The following MYO1A variants were observed in gnomAD, a reference collection of about 807,000 sequenced individuals.
The protein encoded by MYO1A is myosin IA.
MYO1A carries 127 observed loss-of-function variants against 138.5 expected under a neutral mutation model. The observed-to-expected ratio is 0.92, with a 90% CI of 0.79 to 1.06. The LOEUF (loss-of-function observed/expected upper bound fraction) is 1.06, where lower values mean the gene tolerates loss of function less well. MYO1A is among the 50% of genes least tolerant of loss of function. The pLI is 0.00. For missense variants in MYO1A, 1,211 were observed against 1,288.8 expected (o/e 0.94, Z 0.92); for synonymous variants, 477 against 497.5 (o/e 0.96, Z 0.55).
chr12:57,048,046 C>T lies in MYO1A; in HGVS notation c.173G>A (p.Gly58Glu), dbSNP rs1297721055. The change falls in exon 3 of 28, where the codon GGG (glycine) becomes GAG (glutamate). Residue 58 changes from glycine to glutamate, a missense_variant. Gly to Glu is a moderately conservative substitution (Grantham distance 98). Coordinates refer to ENST00000300119, the MANE Select transcript of MYO1A (RefSeq NM_005379.4). ...VNPYQQLPIY[G>E]PEFIAKYQDY... ...TTGATATTTGGCAATGAACTCTGGC[C>T]CATAGATGGGAAGCTGTTGATAGGG... 6.2e-7 allele frequency: 1 copy of T among 1,614,152 alleles called. No individual in the cohort carries two copies. The highest frequency in any genetic ancestry group is 1.7e-5 in the Admixed American group (1 of 60,026).
chr12:57,029,630 T>C (rs1288942251), intron 25 of MYO1A, 43 bp from the exon 26 acceptor site: 1 of 1,613,980 alleles, frequency 6.2e-7, no homozygotes, highest in African/African-American at 1.3e-5. Flanking sequence ...CAGGATTAAT[T>C]GCCCCCACTC....
In MYO1A at chr12:57,029,851, A is replaced by G; in HGVS notation, c.2613T>C (p.Gly871=). Residue 871 remains glycine (G), a synonymous_variant, in exon 25 of 28, where the codon GGT becomes GGC. Transcript: ENST00000300119. The part of the protein sequence containing the change: ...YPQSVPIPFC[G]DYIGLQGNPK... ...GGTTCCCTTGCAGCCCAATGTAGTC[A>G]CCACAGAATGGAATGGGGACACTGA... 1 of 1,614,094 alleles carries G rather than the reference A, an allele frequency of 6.2e-7. No homozygotes were observed. The highest frequency in any genetic ancestry group is 8.5e-7 in the Non-Finnish European group (1 of 1,180,012).
chr12:57,040,900 T>A (rs2136449757), intron 14 of MYO1A, among the ~76,000 whole-genome samples: 1 of 152,202 alleles, frequency 6.6e-6, no homozygotes, highest in East Asian at 1.9e-4. Context: ...ATGTCCTTTT[T>A]ATATTTGGCT....
intron 22 of MYO1A, among the ~76,000 whole-genome samples, chr12:57,032,575 C>T (rs544975105): frequency 1.3e-3 from 198 of 152,228 alleles, no homozygotes; most frequent in Non-Finnish European, 2.6e-3. Flanking sequence ...CCCAGCTACT[C>T]TAGAGGTTGA....
rs771800595 is a variant in MYO1A, at chr12:57,037,600, G to A, written c.2003C>T (p.Ser668Leu). Residue 668 changes from serine to leucine, a missense_variant, in exon 19 of 28, where the codon TCG becomes TTG. Coordinates refer to ENST00000300119, the MANE Select transcript of MYO1A (RefSeq NM_005379.4). ...TGTCTTGCCAAAGGCCAGCTCCCCC[G>A]AGGACATGCTCAGCTCCCCCAGGAC... is the stretch of plus-strand genomic sequence containing the variant. ...EKVLGELSMSSGELAFGKTKI... is the reference protein window; with the variant it reads ...EKVLGELSMSLGELAFGKTKI... 2.5e-5 allele frequency: 40 copies of A among 1,614,064 alleles called. No individual in the cohort carries two copies. The highest frequency in any genetic ancestry group is 1.2e-4 in the South Asian group (11 of 91,076).
At chr12:57,044,295 A>G in intron 8 of MYO1A, 86 bp from the exon 9 acceptor site, 1 of 1,032,592 alleles carries the variant, frequency 9.7e-7, no homozygotes, top group South Asian at 1.3e-5. Flanking sequence ...CCTTGCCCTA[A>G]TGGATTCATT....
In MYO1A at chr12:57,035,736, G is replaced by A. The variant is rs2030508414; in HGVS notation, c.2349+571C>T. On this transcript the variant is annotated intron_variant, in intron 22 of 27. Coordinates refer to ENST00000300119, the MANE Select transcript of MYO1A (RefSeq NM_005379.4). The stretch of plus-strand genomic sequence containing the variant: ...CTCTGTCCCTGTTTTTCTCCCCCTG[G>A]GAGCTGTCTGTAAGTTTGAATATGT... 2.0e-5 allele frequency among the ~76,000 whole-genome samples: 3 copies of A among 152,150 alleles called. No individual in the cohort carries two copies. The South Asian group carries it at 6.2e-4, about 32-fold the overall frequency.
At chr12:57,031,889 G>A (rs1024251545) in intron 22 of MYO1A, among the ~76,000 whole-genome samples, 43 of 152,278 alleles carry the variant, frequency 2.8e-4, no homozygotes, top group Admixed American at 1.8e-3. Context: ...CCTTCTCTCT[G>A]GCCTTTCCCA....
At chr12:57,051,030 G>C (rs1236122261), upstream of MYO1A, 1 of 152,222 alleles carries the variant, frequency 6.6e-6, no homozygotes, top group African/African-American at 2.4e-5. Context: ...TGATAGATAA[G>C]AAGTACCCCT....
Position 57,048,106 on chromosome 12 carries a change from T to C in MYO1A, c.115-2A>G, listed in dbSNP as rs2031196705. 1.9e-6 allele frequency: 3 copies of C among 1,613,270 alleles called. No homozygotes were observed. The highest frequency in any genetic ancestry group is 1.6e-4 in the Middle Eastern group (1 of 6,080). On this transcript the variant is annotated splice_acceptor_variant, in intron 2 of 27. Coordinates refer to ENST00000300119, the MANE Select transcript of MYO1A (RefSeq NM_005379.4). LOFTEE classifies it high-confidence loss of function. The stretch of plus-strand genomic sequence containing the variant: ...GATCACCACATTCCCAATGTAGGTC[T>C]GGAGCCAGGAAGAAGGTGAAGGGAA...
Position 57,029,593 on chromosome 12 carries a change from G to A in MYO1A, c.2725-6C>T. 6.2e-7 allele frequency: 1 copy of A among 1,614,200 alleles called. No individual in the cohort carries two copies. Among genetic ancestry groups the A allele is most frequent in the Non-Finnish European group, 8.5e-7 (1 of 1,180,032 alleles). On this transcript the variant is annotated splice_polypyrimidine_tract_variant and splice_region_variant and intron_variant, in intron 25 of 27. Coordinates refer to ENST00000300119, the MANE Select transcript of MYO1A (RefSeq NM_005379.4). ...AGGAGAATCCGAGAAGAAGTCTAGG[G>A]ACGGAACAGGCAAGGGTGAGGAAAG...
intron 22 of MYO1A, among the ~76,000 whole-genome samples, chr12:57,033,325 C>G (rs2030374336): frequency 6.6e-6 from 1 of 152,166 alleles, no homozygotes. Flanking sequence ...TAGTCTGCCC[C>G]AATCTAGAAC....
rs1311771612 is a variant in MYO1A, at chr12:57,037,596, C to G, written c.2007G>C (p.Gly669=). The change falls in exon 19 of 28, where the codon GGG becomes GGC. Residue 669 remains glycine (G), a synonymous_variant. Coordinates refer to ENST00000300119, the MANE Select transcript of MYO1A (RefSeq NM_005379.4). Reference sequence around the variant, plus strand: ...TCTTTGTCTTGCCAAAGGCCAGCTCCCCCGAGGACATGCTCAGCTCCCCCA... The same window carrying G: ...TCTTTGTCTTGCCAAAGGCCAGCTCGCCCGAGGACATGCTCAGCTCCCCCA... ...KVLGELSMSS[G]ELAFGKTKIF... is the part of the protein sequence containing the mutation. The G allele has an allele frequency of 6.2e-7, 1 of 1,614,164 alleles. No individual in the cohort carries two copies. The highest frequency in any genetic ancestry group is 1.1e-5 in the South Asian group (1 of 91,078).
At position 57,041,482 on chromosome 12, in the gene MYO1A, T is replaced by C. The variant is rs2030856433; in HGVS notation, c.1114A>G (p.Lys372Glu). 1 of 1,613,628 alleles carries C rather than the reference T, an allele frequency of 6.2e-7. No homozygotes were observed. Among genetic ancestry groups the C allele is most frequent in the Non-Finnish European group, 8.5e-7 (1 of 1,179,572 alleles). ...NESIKVGIGE[K>E]KKVMGVLDIY... ...TCAAGGACTCCCATTACCTTCTTCT[T>C]TTCCCCGATGCCCACCTGAAGAGGA... The change falls in exon 13 of 28, where the codon AAG (lysine) becomes GAG (glutamate). Residue 372 changes from lysine (K) to glutamate (E), a missense_variant. Transcript: ENST00000300119.
Position 57,038,881 on chromosome 12 carries a change from G to A in MYO1A, c.1461C>T (p.Thr487=). The change falls in exon 16 of 28, where the codon ACC becomes ACT. Residue 487 remains threonine, a synonymous_variant. Coordinates refer to ENST00000300119, the MANE Select transcript of MYO1A (RefSeq NM_005379.4). ...SKHGHYESKV[T]QNAQRQYDHT... ...GGTCATACTGACGCTGGGCATTCTG[G>A]GTGACTTTGCTCTCGTAGTGGCCAT... 6.2e-7 allele frequency: 1 copy of A among 1,614,180 alleles called. No homozygotes were observed. The highest frequency in any genetic ancestry group is 8.5e-7 in the Non-Finnish European group (1 of 1,180,046).
Position 57,048,340 on chromosome 12 carries a change from G to A in MYO1A, c.-17C>T, listed in dbSNP as rs1231426090. The A allele has an allele frequency of 6.4e-7, 1 of 1,572,160 alleles. No individual in the cohort carries two copies. The highest frequency in any genetic ancestry group is 1.7e-5 in the Admixed American group (1 of 59,900). ...GAGAGGCATGTCCAGAGGGGCCACT[G>A]ATCCTGGGAATAAGAGGCACAGTTT... On this transcript the variant is annotated 5_prime_UTR_variant, in exon 2 of 28. Transcript: ENST00000300119.
chr12:57,043,545 T>C (rs2030957787), intron 10 of MYO1A, among the ~76,000 whole-genome samples, 187 bp from the exon 11 acceptor site: 1 of 152,246 alleles, frequency 6.6e-6, no homozygotes, highest in Admixed American at 6.5e-5. Flanking sequence ...AGAAAGGGGA[T>C]CTGGGCATTT....
chr12:57,046,858 C>A lies in MYO1A; in HGVS notation c.541+5G>T. The A allele has an allele frequency of 6.2e-7, 1 of 1,613,730 alleles. No homozygotes were observed. The highest frequency in any genetic ancestry group is 8.5e-7 in the Non-Finnish European group (1 of 1,179,750). ...ACAGGTGAGTGGAATTGGGGAGACACGTACAGTTTGTGATGACACCACCGA... is the reference window on the plus strand; with the variant it reads ...ACAGGTGAGTGGAATTGGGGAGACAAGTACAGTTTGTGATGACACCACCGA... On this transcript the variant is annotated splice_donor_5th_base_variant and intron_variant, in intron 7 of 27. Transcript: ENST00000300119.
rs751839126 is a variant in MYO1A, at chr12:57,037,657, A to C, written c.1962-16T>G. 9 of 1,612,104 alleles carry C rather than the reference A, an allele frequency of 5.6e-6. No individual in the cohort carries two copies. The highest frequency in any genetic ancestry group is 6.8e-6 in the Non-Finnish European group (8 of 1,178,242). On this transcript the variant is annotated splice_polypyrimidine_tract_variant and intron_variant, in intron 18 of 27. Coordinates refer to ENST00000300119, the MANE Select transcript of MYO1A (RefSeq NM_005379.4). ...AACACCTTCCCTATGGAAGCAAATG[A>C]CAGAAAGCTGCAGAGGGGTATCTCA...
Sources: gnomAD v4.1 joint callset for allele counts (sites outside exome capture counted in the v4.1 genomes callset) on GRCh38, gnomAD v4.1.1 for gene constraint, MANE v1.5 for transcripts, NCBI Gene and HGNC (gene_info 2026-07-23, HGNC 2026-07-21) for gene names.